Variants in SH3YL1 observed in about 807,000 individuals in gnomAD.
SH3YL1 encodes SH3 and SYLF domain containing 1.
SH3YL1 carries 41 observed loss-of-function variants against 45.8 expected under a neutral mutation model. The observed-to-expected ratio is 0.89, with a 90% CI of 0.70 to 1.16. SH3YL1 has a LOEUF of 1.16. SH3YL1 is among the 50% of genes most tolerant of loss of function. The pLI is 0.00. For synonymous variants in SH3YL1, 152 were observed against 151.4 expected (o/e 1.00, Z -0.03); for missense variants, 389 against 409.6 (o/e 0.95, Z 0.43).
intron 5 of SH3YL1, among the ~76,000 whole-genome samples, chr2:233,509 T>C (rs974052296): frequency 1.3e-5 from 2 of 152,230 alleles, no homozygotes; most frequent in African/African-American, 2.4e-5. Flanking sequence ...AAATATATTT[T>C]AAAAATTTGT....
chr2:246,539 T>C (rs961030276), intron 4 of SH3YL1, among the ~76,000 whole-genome samples: 2 of 150,960 alleles, frequency 1.3e-5, no homozygotes, highest in Non-Finnish European at 2.9e-5. Flanking sequence ...GCATGATCTA[T>C]TGAGAGAAAA....
At chr2:225,015 A>C in intron 8 of SH3YL1, 95 bp from the exon 9 acceptor site, 1 of 893,800 alleles carries the variant, frequency 1.1e-6, no homozygotes, top group Non-Finnish European at 1.9e-6. Flanking sequence ...TGCTGAGCAA[A>C]TATTTTAAAT....
chr2:223,467 C>A (rs1471005849), intron 9 of SH3YL1, among the ~76,000 whole-genome samples: 1 of 152,164 alleles, frequency 6.6e-6, no homozygotes, highest in African/African-American at 2.4e-5. Context: ...TTTAGGAGCA[C>A]TTTAACAACC....
intron 2 of SH3YL1, among the ~76,000 whole-genome samples, chr2:252,664 C>T (rs1669120297): frequency 6.6e-6 from 1 of 152,102 alleles, no homozygotes; most frequent in South Asian, 2.1e-4. Context: ...CTATCAATAA[C>T]AAATTTTTAA....
intron 4 of SH3YL1, among the ~76,000 whole-genome samples, chr2:238,900 C>T (rs1668421252): frequency 6.6e-6 from 1 of 152,212 alleles, no homozygotes; most frequent in African/African-American, 2.4e-5. Flanking sequence ...TTCAGTACCT[C>T]TGATGTTCCA....
intron 1 of SH3YL1, 95 bp downstream of exon 1, chr2:263,889 A>C: frequency 9.5e-7 from 1 of 1,053,428 alleles, no homozygotes; most frequent in Non-Finnish European, 1.4e-6. Flanking sequence ...GAAACCCCAG[A>C]GGCATCGCCG....
chr2:260,380 T>C (rs1669539694), intron 1 of SH3YL1: 1 of 152,222 alleles, frequency 6.6e-6, no homozygotes, highest in Admixed American at 6.5e-5. Flanking sequence ...AGCCATAGTA[T>C]CTGGAGTGGA....
At chr2:242,971 T>C (rs951895421) in intron 4 of SH3YL1, 26 of 697,430 alleles carry the variant, frequency 3.7e-5, no homozygotes, top group Middle Eastern at 2.9e-4. Flanking sequence ...ATTATAAACA[T>C]AGTAATACAC....
intron 8 of SH3YL1, among the ~76,000 whole-genome samples, chr2:228,826 A>G (rs1667898352): frequency 6.6e-6 from 1 of 152,210 alleles, no homozygotes; most frequent in Admixed American, 6.5e-5. Flanking sequence ...GCCAAGAATC[A>G]TATGAGGGAC....
At chr2:255,039 A>G (rs1371171084) in intron 1 of SH3YL1, among the ~76,000 whole-genome samples, 1 of 152,210 alleles carries the variant, frequency 6.6e-6, no homozygotes, top group East Asian at 1.9e-4. Flanking sequence ...CCTAAAATTT[A>G]TAAAACCAAA....
At chr2:264,732 G>A (rs1185013935), upstream of SH3YL1, 7 of 479,794 alleles carry the variant, frequency 1.5e-5, no homozygotes, top group South Asian at 2.0e-4. Context: ...GGTGAACGGC[G>A]GCCCAGTCCC....
intron 6 of SH3YL1, among the ~76,000 whole-genome samples, chr2:231,732 G>A (rs1379692777): frequency 6.6e-6 from 1 of 152,202 alleles, no homozygotes; most frequent in Non-Finnish European, 1.5e-5. Context: ...TAGTGGGAAG[G>A]CCTGCCAACG....
chr2:233,075 T>C (rs1345974905), intron 6 of SH3YL1, 26 bp downstream of exon 6: 7 of 1,525,822 alleles, frequency 4.6e-6, no homozygotes, highest in Non-Finnish European at 6.2e-6. Flanking sequence ...ACACTTTCAA[T>C]TAAAATCACT....
chr2:256,779 T>A (rs1317533932), intron 1 of SH3YL1: 2 of 152,250 alleles, frequency 1.3e-5, no homozygotes, highest in Admixed American at 1.3e-4. Flanking sequence ...AAATGTGTAT[T>A]TAACAATGTA....
intron 8 of SH3YL1, among the ~76,000 whole-genome samples, chr2:226,908 A>G (rs1667805956): frequency 6.6e-6 from 1 of 152,122 alleles, no homozygotes; most frequent in Admixed American, 6.6e-5. Flanking sequence ...TGGATAATTC[A>G]TATGGTGGAG....
chr2:226,985 T>C (rs1031595087), intron 8 of SH3YL1, among the ~76,000 whole-genome samples: 1 of 152,076 alleles, frequency 6.6e-6, no homozygotes, highest in African/African-American at 2.4e-5. Flanking sequence ...TGTTGGGGAA[T>C]GCATATGGTG....
intron 4 of SH3YL1, 71 bp downstream of exon 4, chr2:247,467 G>C (rs1027534015): frequency 8.0e-7 from 1 of 1,257,484 alleles, no homozygotes; most frequent in African/African-American, 1.5e-5. Context: ...AAACCTCTCA[G>C]TTTTCACAGG....
At position 231,173 on chromosome 2, in the gene SH3YL1, G is replaced by A. The variant is rs1293139246; in HGVS notation, c.552C>T (p.Ile184=). The change falls in exon 7 of 10, where the codon ATC becomes ATT. Residue 184 remains isoleucine (I), a synonymous_variant. Coordinates refer to ENST00000356150, the MANE Select transcript of SH3YL1 (RefSeq NM_015677.4). Reference sequence around the variant, plus strand: ...CTCCAAATAAAATGTCATAAGCTCGGATATCTTGACAATAAAATCTAATGG... The same window carrying A: ...CTCCAAATAAAATGTCATAAGCTCGAATATCTTGACAATAAAATCTAATGG... The part of the protein sequence containing the change: ...ETNRKFYCQD[I]RAYDILFGDT... The A allele has an allele frequency of 6.2e-7, 1 of 1,611,020 alleles. No individual in the cohort carries two copies. Among genetic ancestry groups the A allele is most frequent in the South Asian group, 1.1e-5 (1 of 90,394 alleles).
At chr2:233,275 A>G in intron 5 of SH3YL1, 46 bp from the exon 6 acceptor site, 1 of 1,479,520 alleles carries the variant, frequency 6.8e-7, no homozygotes, top group South Asian at 1.4e-5. Flanking sequence ...AGCAGCTCCA[A>G]GCCGAGGATC....
Sources: allele counts gnomAD v4.1 joint callset (sites outside exome capture counted in the v4.1 genomes callset), GRCh38; gene constraint gnomAD v4.1.1; transcripts MANE v1.5; gene names NCBI Gene and HGNC (gene_info 2026-07-23, HGNC 2026-07-21).